NPAS3: variants seen among roughly 807,000 people sequenced by gnomAD.
NPAS3 encodes neuronal PAS domain-containing protein 3.
In NPAS3, 14 loss-of-function variants were observed where a neutral mutation model predicts 73.1. The ratio of observed to expected loss-of-function variants is 0.19; its 90% CI spans 0.13 to 0.30. The LOEUF (loss-of-function observed/expected upper bound fraction) is 0.30. NPAS3 is among the 10% of genes least tolerant of loss of function. The pLI is 1.00. For synonymous variants in NPAS3, 620 were observed against 541.5 expected, an observed-to-expected ratio of 1.14 and a Z score of -2.01; for missense variants, 1,096 against 1,250.0, an observed-to-expected ratio of 0.88 and a Z score of 1.86.
intron 2 of NPAS3, among the ~76,000 whole-genome samples, chr14:33,081,123 G>A (rs1349910212): frequency 1.3e-5 from 2 of 152,098 alleles, no homozygotes; most frequent in African/African-American, 4.8e-5. Context: ...CCATAATAAC[G>A]TTTGTCCATA....
At chr14:33,656,774 C>T (rs945109303) in intron 5 of NPAS3, among the ~76,000 whole-genome samples, 7 of 152,176 alleles carry the variant, frequency 4.6e-5, no homozygotes, top group African/African-American at 1.7e-4. Flanking sequence ...GTATTATTAA[C>T]TGTAGTCTCC....
chr14:33,111,632 C>CTGAACA (rs1555338939), intron 2 of NPAS3, among the ~76,000 whole-genome samples: 5 of 151,072 alleles, frequency 3.3e-5, no homozygotes, highest in African/African-American at 1.2e-4. Context: ...TATTGAAGAC[C>CTGAACA]TGCACAGTTC....
chr14:33,504,123 C>T (rs2052648727), intron 4 of NPAS3, among the ~76,000 whole-genome samples: 1 of 151,952 alleles, frequency 6.6e-6, no homozygotes, highest in Non-Finnish European at 1.5e-5. Context: ...GCTTAGAGAC[C>T]TAATACTTCA....
intron 1 of NPAS3, among the ~76,000 whole-genome samples, chr14:33,040,061 C>CT (rs201575628): frequency 9.5e-4 from 144 of 151,230 alleles, no homozygotes; most frequent in African/African-American, 3.2e-3. Context: ...TTCTTTTTTT[C>CT]TTTTTTTTTA....
chr14:33,168,086 G>T (rs1436141339), intron 2 of NPAS3, among the ~76,000 whole-genome samples: 1 of 152,106 alleles, frequency 6.6e-6, no homozygotes, highest in Non-Finnish European at 1.5e-5. Flanking sequence ...TGATTTCCGG[G>T]CTCTCTGAGC....
At chr14:33,024,785 G>T (rs2039742589) in intron 1 of NPAS3, among the ~76,000 whole-genome samples, 1 of 152,072 alleles carries the variant, frequency 6.6e-6, no homozygotes, top group Non-Finnish European at 1.5e-5. Context: ...TTTTTATTTT[G>T]TTTATGTGTA....
At chr14:33,747,628 G>C (rs949910951) in intron 7 of NPAS3, among the ~76,000 whole-genome samples, 1 of 152,182 alleles carries the variant, frequency 6.6e-6, no homozygotes, top group Non-Finnish European at 1.5e-5. Flanking sequence ...CTGCTGCCTG[G>C]GCAGGTGTGT....
chr14:33,323,158 C>T (rs1050873405), intron 3 of NPAS3, among the ~76,000 whole-genome samples: 3 of 152,132 alleles, frequency 2.0e-5, no homozygotes, highest in African/African-American at 4.8e-5. Flanking sequence ...ACATCAGGGT[C>T]GCCAAGACTA....
intron 1 of NPAS3, among the ~76,000 whole-genome samples, chr14:32,978,875 G>A (rs896003387): frequency 1.3e-5 from 2 of 152,024 alleles, no homozygotes; most frequent in African/African-American, 2.4e-5. Flanking sequence ...ATTTTCCTTC[G>A]TCTCTAAGGT....
chr14:33,301,094 A>G (rs2042511534), intron 3 of NPAS3, among the ~76,000 whole-genome samples: 1 of 151,620 alleles, frequency 6.6e-6, no homozygotes, highest in Non-Finnish European at 1.5e-5. Flanking sequence ...CCTGCCCTGG[A>G]GCAGCAGCTC....
At chr14:33,441,127 T>G (rs1388167350) in intron 4 of NPAS3, among the ~76,000 whole-genome samples, 1 of 152,258 alleles carries the variant, frequency 6.6e-6, no homozygotes, top group Non-Finnish European at 1.5e-5. Context: ...GATTGTGGAA[T>G]AATGTTGGAT....
intron 3 of NPAS3, among the ~76,000 whole-genome samples, chr14:33,335,044 G>A (rs1174198569): frequency 3.0e-5 from 4 of 133,410 alleles, no homozygotes; most frequent in African/African-American, 1.1e-4. Flanking sequence ...GTGTGTGTGC[G>A]TGTGTGTGTG....
At chr14:33,033,053 C>T (rs1424731501) in intron 1 of NPAS3, among the ~76,000 whole-genome samples, 1 of 152,136 alleles carries the variant, frequency 6.6e-6, no homozygotes, top group Non-Finnish European at 1.5e-5. Context: ...CAAATAATAA[C>T]TCTAAGAGGT....
chr14:33,277,305 G>A (rs1240293758), intron 3 of NPAS3, among the ~76,000 whole-genome samples: 1 of 152,082 alleles, frequency 6.6e-6, no homozygotes, highest in African/African-American at 2.4e-5. Flanking sequence ...TCCCAGCTCT[G>A]GCACTGATTA....
At chr14:33,020,716 G>A (rs2039562354) in intron 1 of NPAS3, among the ~76,000 whole-genome samples, 1 of 151,504 alleles carries the variant, frequency 6.6e-6, no homozygotes, top group Non-Finnish European at 1.5e-5. Flanking sequence ...TCTGCCTAAA[G>A]CTGTTCATCA....
At position 33,040,712 on chromosome 14, in the gene NPAS3, A is replaced by C. The variant is rs138928356; in HGVS notation, c.51-15193A>C. Among the ~76,000 whole-genome samples the C allele has an allele frequency of 7.7e-4, 118 of 152,308 alleles. 1 individual carries two copies. Among genetic ancestry groups the C allele is most frequent in the East Asian group, 7.1e-3 (37 of 5,192 alleles). On this transcript the variant is annotated intron_variant, in intron 1 of 11. Coordinates refer to ENST00000356141, the Ensembl canonical transcript of NPAS3. ...TGTTCTTAACCCACCCACCTCTAAC[A>C]GGTATGTGGCTTTATACCTAAGTCT...
At chr14:33,612,365 C>T (rs1240399028) in intron 5 of NPAS3, 6 of 454,846 alleles carry the variant, frequency 1.3e-5, no homozygotes, top group African/African-American at 6.0e-5. Flanking sequence ...ATTCTGCTTC[C>T]CCACGCCCTG....
chr14:33,682,183 T>G (rs2059958381), intron 6 of NPAS3, among the ~76,000 whole-genome samples: 1 of 152,186 alleles, frequency 6.6e-6, no homozygotes, highest in South Asian at 2.1e-4. Flanking sequence ...CAAAGATAAA[T>G]CCATCAGATA....
chr14:33,642,285 A>G (rs1051882662), intron 5 of NPAS3, among the ~76,000 whole-genome samples: 1 of 152,130 alleles, frequency 6.6e-6, no homozygotes, highest in African/African-American at 2.4e-5. Context: ...CATCCCCCAG[A>G]TTAATATTAA....
Sources: allele counts gnomAD v4.1 joint callset (sites outside exome capture counted in the v4.1 genomes callset), GRCh38; gene constraint gnomAD v4.1.1; transcripts MANE v1.5; gene names NCBI Gene and HGNC (gene_info 2026-07-23, HGNC 2026-07-21).